Variants in HAUS1 observed in about 807,000 individuals in gnomAD.
HAUS1 encodes the protein HAUS augmin-like complex subunit 1.
Under a neutral mutation model 38.6 loss-of-function variants are expected in HAUS1, and 25 were observed. The observed-to-expected ratio is 0.65, with a 90% CI of 0.47 to 0.91. The LOEUF (loss-of-function observed/expected upper bound fraction) is 0.91, where lower values mean the gene tolerates loss of function less well. HAUS1 is among the 40% of genes least tolerant of loss of function. The pLI, the probability that HAUS1 is intolerant of heterozygous loss-of-function variation, is 0.00. For synonymous variants in HAUS1, 109 were observed against 112.9 expected (o/e 0.97, Z 0.22); for missense variants, 325 against 328.4 (o/e 0.99, Z 0.08).
At chr18:46,110,887 C>CTTT in intron 2 of HAUS1, among the ~76,000 whole-genome samples, 1 of 96,072 alleles carries the variant, frequency 1.0e-5, no homozygotes, top group African/African-American at 3.6e-5. Context: ...TCAAGATTTT[C>CTTT]TTTTTTTTTT....
intron 2 of HAUS1, among the ~76,000 whole-genome samples, chr18:46,113,411 T>C (rs942443585): frequency 2.0e-5 from 3 of 152,142 alleles, no homozygotes; most frequent in African/African-American, 7.2e-5. Flanking sequence ...AGTTCACTTA[T>C]TCTTTCTTCT....
intron 2 of HAUS1, among the ~76,000 whole-genome samples, chr18:46,113,978 C>G (rs1446866504): frequency 1.3e-5 from 2 of 152,196 alleles, no homozygotes; most frequent in Non-Finnish European, 2.9e-5. Flanking sequence ...CTGACTTCCT[C>G]TCTTTCACTG....
At chr18:46,124,416 C>CAA (rs34364685) in intron 6 of HAUS1, among the ~76,000 whole-genome samples, 13,021 of 87,438 alleles carry the variant, frequency 0.15, 1,063 homozygotes, top group East Asian at 0.44. Flanking sequence ...GACTCTATCT[C>CAA]AAAAAAAAAA....
At chr18:46,119,676 G>A (rs1474061756) in intron 3 of HAUS1, among the ~76,000 whole-genome samples, 28 of 152,278 alleles carry the variant, frequency 1.8e-4, no homozygotes, top group Non-Finnish European at 1.5e-5. Flanking sequence ...TAGCTGGGTA[G>A]CACAGAGAAG....
intron 2 of HAUS1, among the ~76,000 whole-genome samples, chr18:46,107,480 A>T (rs1183878613): frequency 6.6e-6 from 1 of 152,202 alleles, no homozygotes; most frequent in Non-Finnish European, 1.5e-5. Context: ...TTTTATGTCT[A>T]GGTATCTAGA....
At chr18:46,110,333 G>GTTTTTTTTTTTTGT (rs1911587830) in intron 2 of HAUS1, among the ~76,000 whole-genome samples, 2 of 49,988 alleles carry the variant, frequency 4.0e-5, no homozygotes, top group Non-Finnish European at 7.0e-5. Flanking sequence ...TTTTTTTAAG[G>GTTTTTTTTTTTTGT]TTTTTTTTTT....
Position 46,104,419 on chromosome 18 carries a change from C to A in HAUS1, c.8C>A (p.Pro3Gln). 1 of 1,462,058 alleles carries A rather than the reference C, an allele frequency of 6.8e-7. No homozygotes were observed. Among genetic ancestry groups the A allele is most frequent in the Non-Finnish European group, 9.1e-7 (1 of 1,096,530 alleles). The allele number at this position is 1,462,058 out of a possible 1,614,324, so 90.6% of individuals were successfully genotyped here. A position where few individuals can be genotyped will look rare whatever the true frequency, so the allele number is the denominator to read the frequency against. ...GTGGCGGGAGCCGCAGCTATGGAGC[C>A]GCAGGAGGAGAGAGAAACGCAGGTG... MEPQEERETQVAA... is the reference protein window; with the variant it reads MEQQEERETQVAA... Residue 3 changes from proline to glutamine, a missense_variant, in exon 1 of 9, where the codon CCG becomes CAG. Coordinates refer to ENST00000282058, the MANE Select transcript of HAUS1 (RefSeq NM_138443.4).
chr18:46,109,028 G>A lies in HAUS1; in HGVS notation c.205+3660G>A, dbSNP rs372072510. 8.9e-5 allele frequency among the ~76,000 whole-genome samples: 13 copies of A among 146,584 alleles called. No individual in the cohort carries two copies. The South Asian group carries it at 2.4e-3, about 27-fold the overall frequency. Reference sequence around the variant, plus strand: ...GGAGCTTGCAGTATGCTGAGATCGCGCAACTGCACTCTAGCCTGGGAGACA... The same window carrying A: ...GGAGCTTGCAGTATGCTGAGATCGCACAACTGCACTCTAGCCTGGGAGACA... On this transcript the variant is annotated intron_variant, in intron 2 of 8. Coordinates refer to ENST00000282058, the MANE Select transcript of HAUS1 (RefSeq NM_138443.4).
intron 2 of HAUS1, 62 bp downstream of exon 2, chr18:46,105,430 A>G (rs748117254): frequency 1.4e-5 from 19 of 1,387,754 alleles, no homozygotes; most frequent in Middle Eastern, 1.8e-4. Flanking sequence ...TTATAACACT[A>G]AAGTATACAG....
At chr18:46,110,240 C>T (rs573182635) in intron 2 of HAUS1, among the ~76,000 whole-genome samples, 28 of 145,738 alleles carry the variant, frequency 1.9e-4, no homozygotes, top group African/African-American at 6.9e-4. Flanking sequence ...ACTGCAGCCT[C>T]GAACTTCTGG....
At chr18:46,106,643 TATG>T (rs1160127271) in intron 2 of HAUS1, 4 of 152,210 alleles carry the variant, frequency 2.6e-5, no homozygotes, top group Non-Finnish European at 4.4e-5. Flanking sequence ...ATTTGTTACA[TATG>T]ATATTTTGAA....
chr18:46,126,146 G>T (rs1650616361), intron 8 of HAUS1, among the ~76,000 whole-genome samples: 1 of 151,964 alleles, frequency 6.6e-6, no homozygotes, highest in African/African-American at 2.4e-5. Flanking sequence ...GTGGTGATGC[G>T]TGCCCGTAAT....
intron 2 of HAUS1, among the ~76,000 whole-genome samples, chr18:46,113,380 A>G (rs1420594288): frequency 6.6e-6 from 1 of 151,970 alleles, no homozygotes; most frequent in African/African-American, 2.4e-5. Context: ...CCCAGCCCAT[A>G]ATATCTTTGA....
In HAUS1 at chr18:46,118,207, G is replaced by C; in HGVS notation, c.232G>C (p.Glu78Gln). ...CAAGTATCTTCAAGACCTTCTCATG[G>C]AGAGTGTGAATTTTTCCCCCGCCAA... ...EAKYLQDLLM[E>Q]SVNFSPANLS... The change falls in exon 3 of 9, where the codon GAG becomes CAG. Residue 78 changes from glutamate (E) to glutamine (Q), a missense_variant. Glu to Gln is a conservative substitution (Grantham distance 29, BLOSUM62 2). Coordinates refer to ENST00000282058, the MANE Select transcript of HAUS1 (RefSeq NM_138443.4). 1 of 1,612,116 alleles carries C rather than the reference G, an allele frequency of 6.2e-7. No individual in the cohort carries two copies. Among genetic ancestry groups the C allele is most frequent in the Non-Finnish European group, 8.5e-7 (1 of 1,179,874 alleles).
intron 4 of HAUS1, among the ~76,000 whole-genome samples, chr18:46,120,951 T>C (rs12963169): frequency 0.16 from 24,347 of 152,166 alleles, 2,727 homozygotes; most frequent in East Asian, 0.39. Flanking sequence ...TGATTTTTCT[T>C]ATACTTAAAG....
chr18:46,115,569 A>C (rs756369872), intron 2 of HAUS1, among the ~76,000 whole-genome samples: 2 of 151,872 alleles, frequency 1.3e-5, no homozygotes, highest in Non-Finnish European at 2.9e-5. Flanking sequence ...CAGAGGTTGC[A>C]GTGAGCCAAT....
chr18:46,117,713 A>ATC (rs1911832201), intron 2 of HAUS1, among the ~76,000 whole-genome samples: 1 of 151,980 alleles, frequency 6.6e-6, no homozygotes, highest in East Asian at 1.9e-4. Context: ...GGGAGGCCAA[A>ATC]GTGGGCGGAT....
Position 46,124,816 on chromosome 18 carries a change from C to A in HAUS1, c.667-6C>A. The A allele has an allele frequency of 6.4e-7, 1 of 1,574,518 alleles. No individual in the cohort carries two copies. Among genetic ancestry groups the A allele is most frequent in the Non-Finnish European group, 8.7e-7 (1 of 1,147,170 alleles). On this transcript the variant is annotated splice_region_variant and splice_polypyrimidine_tract_variant and intron_variant, in intron 6 of 8. Transcript: ENST00000282058. ...TTACTCTGTGACTGTGTTCTTTTAC[C>A]CCCAGAAACTGGCAAGATTAAAGCA...
intron 2 of HAUS1, among the ~76,000 whole-genome samples, chr18:46,116,979 CAA>C (rs1911813161): frequency 6.6e-6 from 1 of 152,134 alleles, no homozygotes; most frequent in South Asian, 2.1e-4. Context: ...CTCAAGAAAA[CAA>C]ATACCACAGT....
Sources: allele counts gnomAD v4.1 joint callset (sites outside exome capture counted in the v4.1 genomes callset), GRCh38; gene constraint gnomAD v4.1.1; transcripts MANE v1.5; gene names NCBI Gene and HGNC (gene_info 2026-07-23, HGNC 2026-07-21).